XPA: variants seen among roughly 807,000 people sequenced by gnomAD.
The protein encoded by XPA is XPA, DNA damage recognition and repair factor, also known as DNA repair protein complementing XP-A cells.
A neutral mutation model predicts 35.7 loss-of-function variants in XPA; 27 were observed. The ratio of observed to expected loss-of-function variants is 0.76; its 90% CI spans 0.56 to 1.04. The LOEUF (loss-of-function observed/expected upper bound fraction) is 1.04. XPA is among the 50% of genes least tolerant of loss of function. The probability of loss-of-function intolerance (pLI) is 0.00; values close to 1 mark genes in which losing one functional copy is unlikely to be tolerated. For synonymous variants in XPA, 133 were observed against 118.4 expected, an observed-to-expected ratio of 1.12 and a Z score of -0.80; for missense variants, 354 against 342.7, an observed-to-expected ratio of 1.03 and a Z score of -0.26.
the XPA span, among the ~76,000 whole-genome samples, chr9:97,661,414 T>G: frequency 6.6e-6 from 1 of 152,192 alleles, no homozygotes; most frequent in Non-Finnish European, 1.5e-5. Context: ...GCTATTAGAA[T>G]AATAATGTTT....
chr9:97,678,776 G>C (rs534134059), intron 5 of XPA, among the ~76,000 whole-genome samples: 26 of 152,216 alleles, frequency 1.7e-4, no homozygotes, highest in African/African-American at 6.3e-4. Context: ...ATAGACATCA[G>C]TGCCTCCAGA....
the XPA span, chr9:97,669,744 T>G: frequency 5.9e-6 from 8 of 1,363,886 alleles, no homozygotes; most frequent in Non-Finnish European, 8.4e-6. Context: ...AACACTATTC[T>G]CAGCCACAAA....
the XPA span, chr9:97,663,044 A>C: frequency 6.2e-7 from 1 of 1,603,860 alleles, no homozygotes; most frequent in African/African-American, 1.3e-5. Flanking sequence ...GGAACCATCC[A>C]CAGGTAAAAA....
At chr9:97,694,795 C>T (rs148958466) in intron 1 of XPA, among the ~76,000 whole-genome samples, 204 of 152,184 alleles carry the variant, frequency 1.3e-3, no homozygotes, top group Middle Eastern at 0.01. Context: ...CACTAAAATA[C>T]ATAAAAAAGA....
Position 97,675,383 on chromosome 9 carries a change from TAAA to T in XPA, c.*53_*55del, listed in dbSNP as rs1275673549. Reference sequence around the variant, plus strand: ...TTTTGAATTTTGAAAAGGACCAATCTAAATTTCCTTTATTTAAATATAAAATTC... The same window carrying T: ...TTTTGAATTTTGAAAAGGACCAATCTTTTCCTTTATTTAAATATAAAATTC... On this transcript the variant is annotated 3_prime_UTR_variant, in exon 6 of 6. Transcript: ENST00000375128. 1.3e-6 allele frequency: 2 copies of T among 1,530,328 alleles called. No homozygotes were observed. Among genetic ancestry groups the T allele is most frequent in the Non-Finnish European group, 1.8e-6 (2 of 1,136,522 alleles). The allele number at this position is 1,530,328 out of a possible 1,614,324, so 94.8% of individuals were successfully genotyped here.
the XPA span, chr9:97,669,704 C>T: frequency 6.4e-7 from 1 of 1,572,782 alleles, no homozygotes. Flanking sequence ...GATCTTCCTA[C>T]AGGTATGTGG....
intron 5 of XPA, among the ~76,000 whole-genome samples, chr9:97,680,030 C>A (rs920824101): frequency 6.6e-6 from 1 of 152,130 alleles, no homozygotes; most frequent in African/African-American, 2.4e-5. Flanking sequence ...GGCTGAGGGA[C>A]TAGTTTAAAA....
chr9:97,677,514 TA>T (rs921520365), intron 5 of XPA, among the ~76,000 whole-genome samples: 22 of 152,002 alleles, frequency 1.4e-4, no homozygotes, highest in African/African-American at 5.1e-4. Flanking sequence ...TCTCTTAAAA[TA>T]AATAAATAAA....
the XPA span, among the ~76,000 whole-genome samples, chr9:97,665,096 T>C: frequency 2.6e-5 from 4 of 152,198 alleles, no homozygotes; most frequent in Non-Finnish European, 5.9e-5. Flanking sequence ...AAATTACTTG[T>C]AAAAACATAA....
chr9:97,670,649 T>C (rs546346570), downstream of XPA, among the ~76,000 whole-genome samples: 1 of 152,244 alleles, frequency 6.6e-6, no homozygotes, highest in African/African-American at 2.4e-5. Flanking sequence ...AGAGTATTCA[T>C]GGCTTATAGA....
Position 97,687,087 on chromosome 9 carries a change from A to C in XPA, c.555+9T>G. 6.2e-7 allele frequency: 1 copy of C among 1,606,028 alleles called. No homozygotes were observed. Among genetic ancestry groups the C allele is most frequent in the Non-Finnish European group, 8.5e-7 (1 of 1,177,640 alleles). On this transcript the variant is annotated intron_variant, in intron 4 of 5. Transcript: ENST00000375128. ...GAGTGAAAAATAATAAATACAACTT[A>C]TTAGAGACCTGTAACTTTAAGTAGA...
In XPA at chr9:97,693,791, GAAGTAGGT is replaced by G. The variant is rs1416936804; in HGVS notation, c.173-40_173-33del. On this transcript the variant is annotated intron_variant, in intron 1 of 5. Transcript: ENST00000375128. ...AAGTAAGTAAAAGCAGTCAACAATTGAAGTAGGTAAGCCTGTATGTTACCTTGTTCATA... is the reference window on the plus strand; with the variant it reads ...AAGTAAGTAAAAGCAGTCAACAATTGAAGCCTGTATGTTACCTTGTTCATA... The G allele has an allele frequency of 3.8e-6, 6 of 1,595,556 alleles. No individual in the cohort carries two copies. The African/African-American group carries it at 5.4e-5, about 14-fold the overall frequency.
intron 2 of XPA, among the ~76,000 whole-genome samples, chr9:97,690,362 C>T (rs535244490): frequency 6.6e-6 from 1 of 152,270 alleles, no homozygotes; most frequent in East Asian, 1.9e-4. Context: ...AGGTGCAAGC[C>T]ACCATGCCCG....
Position 97,675,351 on chromosome 9 carries a change from C to CT in XPA, c.*87dup, listed in dbSNP as rs750807332. The stretch of plus-strand genomic sequence containing the variant: ...GTTTCATTCATCTATGAAGATGTTG[C>CT]TTTTTTTTTTGAATTTTGAAAAGGA... On this transcript the variant is annotated 3_prime_UTR_variant, in exon 6 of 6. Transcript: ENST00000375128. The CT allele has an allele frequency of 3.3e-3, 3,815 of 1,172,248 alleles. No individual in the cohort carries two copies. Among genetic ancestry groups the CT allele is most frequent in the Non-Finnish European group, 3.8e-3 (3,230 of 857,998 alleles). The allele number at this position is 1,172,248 out of a possible 1,614,324, so 72.6% of individuals were successfully genotyped here.
rs3176742 is a variant in XPA, at chr9:97,676,942, T to C, written c.674-1355A>G. ...TAGATATAGATCTGGAATGCCCTCC[T>C]TCCTTTAAATTTTACTTAGGATATT... On this transcript the variant is annotated intron_variant, in intron 5 of 5. Coordinates refer to ENST00000375128, the MANE Select transcript of XPA (RefSeq NM_000380.4). 3.0e-3 allele frequency among the ~76,000 whole-genome samples: 462 copies of C among 152,282 alleles called. 4 individuals are homozygous for C. The highest frequency in any genetic ancestry group is 0.026 in the Admixed American group (392 of 15,296).
At chr9:97,654,676 C>T in the XPA span, among the ~76,000 whole-genome samples, 1 of 152,046 alleles carries the variant, frequency 6.6e-6, no homozygotes, top group Admixed American at 6.6e-5. Context: ...ATCTTGATTT[C>T]ACGAGTGTAT....
chr9:97,662,063 C>T, the XPA span: 29 of 1,613,154 alleles, frequency 1.8e-5, no homozygotes, highest in Non-Finnish European at 2.4e-5. Context: ...AGTTTTAACC[C>T]ATTGAAAATA....
At chr9:97,664,100 A>C in the XPA span, among the ~76,000 whole-genome samples, 1 of 151,682 alleles carries the variant, frequency 6.6e-6, no homozygotes, top group African/African-American at 2.4e-5. Flanking sequence ...AATTGCTTGA[A>C]CCTAGGAGGT....
chr9:97,678,784 A>C (rs2131384173), intron 5 of XPA, among the ~76,000 whole-genome samples: 1 of 152,298 alleles, frequency 6.6e-6, no homozygotes, highest in Middle Eastern at 3.4e-3. Context: ...CAGTGCCTCC[A>C]GATATGAGGC....
Sources: gnomAD v4.1 joint callset for allele counts (sites outside exome capture counted in the v4.1 genomes callset) on GRCh38, gnomAD v4.1.1 for gene constraint, MANE v1.5 for transcripts, NCBI Gene and HGNC (gene_info 2026-07-23, HGNC 2026-07-21) for gene names.